Variants in PITPNA observed in about 807,000 individuals in gnomAD.
PITPNA encodes the protein phosphatidylinositol transfer protein alpha isoform.
In PITPNA, 13 loss-of-function variants were observed where a neutral mutation model predicts 50.3. The observed-to-expected ratio is 0.26, with a 90% CI of 0.17 to 0.41. PITPNA has a LOEUF of 0.41. Ranked by LOEUF, PITPNA falls within the 10% of genes least tolerant of loss-of-function variation. PITPNA has a pLI of 1.00. For synonymous variants in PITPNA, 120 were observed against 119.6 expected (o/e 1.00, Z -0.02); for missense variants, 207 against 333.4 (o/e 0.62, Z 2.95).
chr17:1,558,708 G>A (rs980465895), intron 1 of PITPNA, 149 bp from the exon 2 acceptor site: 22 of 605,974 alleles, frequency 3.6e-5, no homozygotes, highest in Admixed American at 1.2e-4. Context: ...GGCCCTTTGA[G>A]TGCTCTGAGG....
In PITPNA at chr17:1,558,513, A is replaced by G; in HGVS notation, c.51+16T>C. On this transcript the variant is annotated intron_variant, in intron 2 of 11. Coordinates refer to ENST00000313486, the MANE Select transcript of PITPNA (RefSeq NM_006224.4). ...CAGTTACACACAACTATGGACCAGA[A>G]AGTAAAAGGACTTACCTCATCTACA... is the stretch of plus-strand genomic sequence containing the variant. 2.5e-6 allele frequency: 4 copies of G among 1,573,918 alleles called. No homozygotes were observed. The highest frequency in any genetic ancestry group is 3.5e-6 in the Non-Finnish European group (4 of 1,144,470).
intron 3 of PITPNA, among the ~76,000 whole-genome samples, chr17:1,550,732 G>A (rs1166285780): frequency 6.6e-6 from 1 of 152,184 alleles, no homozygotes; most frequent in East Asian, 1.9e-4. Flanking sequence ...GTCTTGCTAT[G>A]TTGCCCAGGC....
At chr17:1,538,660 C>T (rs2075631568) in intron 7 of PITPNA, 1 of 495,580 alleles carries the variant, frequency 2.0e-6, no homozygotes, top group Admixed American at 3.8e-5. Context: ...AGAGGCCAAA[C>T]AGGGCACACA....
chr17:1,536,454 A>AT (rs200916480), intron 7 of PITPNA, among the ~76,000 whole-genome samples: 13,234 of 151,190 alleles, frequency 0.088, 725 homozygotes, highest in East Asian at 0.13. Flanking sequence ...TGCCCGGCTA[A>AT]TTTTTTTTGT....
chr17:1,539,965 G>A (rs1328342226), intron 6 of PITPNA, among the ~76,000 whole-genome samples: 1 of 152,226 alleles, frequency 6.6e-6, no homozygotes, highest in Non-Finnish European at 1.5e-5. Flanking sequence ...TCAAACTACT[G>A]ACTTCAAGTG....
rs1370383391 is a variant in PITPNA at position 1,545,919 on chromosome 17, T to C, written c.289+2377A>G. Among the ~76,000 whole-genome samples the C allele has an allele frequency of 1.4e-3, 46 of 32,868 alleles. No homozygotes were observed. In the East Asian group the frequency reaches 0.073, roughly 52 times the overall value. The allele number at this position is 32,868 out of a possible 152,430, so 21.6% of individuals were successfully genotyped here. On this transcript the variant is annotated intron_variant, in intron 4 of 11. Coordinates refer to ENST00000313486, the MANE Select transcript of PITPNA (RefSeq NM_006224.4). ...CACCCAGCCACACTGCATACTGCCTTTTTTTTTTTTTTTTTTTTTTTTTAA... is the reference window on the plus strand; with the variant it reads ...CACCCAGCCACACTGCATACTGCCTCTTTTTTTTTTTTTTTTTTTTTTTAA...
In PITPNA at chr17:1,532,291, G is replaced by A. The variant is rs986787591; in HGVS notation, c.768+1808C>T. On this transcript the variant is annotated intron_variant, in intron 10 of 11. Coordinates refer to ENST00000313486, the MANE Select transcript of PITPNA (RefSeq NM_006224.4). ...TTTAGTAGAGACAGGGTTTCACCAT[G>A]TTGGCCAAGTTGGTCTCAGACTCCT... Among the ~76,000 whole-genome samples the A allele has an allele frequency of 4.6e-5, 7 of 152,082 alleles. No homozygotes were observed. The South Asian group carries it at 6.2e-4, about 14-fold the overall frequency.
In PITPNA at chr17:1,544,262, CA is replaced by C. The variant is rs2075662123; in HGVS notation, c.290-1236del. 2.6e-5 allele frequency among the ~76,000 whole-genome samples: 4 copies of C among 152,292 alleles called. No homozygotes were observed. The South Asian group carries it at 8.3e-4, about 32-fold the overall frequency. Reference sequence around the variant, plus strand: ...ATTTGGTTTCTCATGTAGAAGAATCCACAAGAAAAGAATGCCCTGATCATCG... The same window carrying C: ...ATTTGGTTTCTCATGTAGAAGAATCCCAAGAAAAGAATGCCCTGATCATCG... On this transcript the variant is annotated intron_variant, in intron 4 of 11. Transcript: ENST00000313486.
intron 3 of PITPNA, among the ~76,000 whole-genome samples, chr17:1,549,067 C>T (rs1471569552): frequency 6.6e-6 from 1 of 152,000 alleles, no homozygotes; most frequent in African/African-American, 2.4e-5. Flanking sequence ...GCCACCACGC[C>T]CAGCTAATTT....
At chr17:1,551,093 C>T (rs936293484) in intron 3 of PITPNA, among the ~76,000 whole-genome samples, 1 of 144,108 alleles carries the variant, frequency 6.9e-6, no homozygotes, top group South Asian at 2.2e-4. Flanking sequence ...TGATGGGACA[C>T]GAAGGGCGAG....
chr17:1,523,971 T>G (rs990833233), intron 10 of PITPNA, among the ~76,000 whole-genome samples: 5 of 151,650 alleles, frequency 3.3e-5, no homozygotes, highest in African/African-American at 1.2e-4. Flanking sequence ...GATTGTATTC[T>G]GACTCCATCA....
intron 11 of PITPNA, 132 bp downstream of exon 11, chr17:1,521,447 C>G (rs1221934188): frequency 4.4e-6 from 3 of 682,854 alleles, no homozygotes; most frequent in Middle Eastern, 2.4e-4. Context: ...GGAGAGCTAT[C>G]GAGCGTGGCA....
chr17:1,558,636 A>T, intron 1 of PITPNA, 77 bp from the exon 2 acceptor site: 1 of 1,011,738 alleles, frequency 9.9e-7, no homozygotes, highest in Non-Finnish European at 1.5e-6. Flanking sequence ...TCATCCTAAA[A>T]CAGTCAGCAG....
At position 1,535,132 on chromosome 17, in the gene PITPNA, C is replaced by G. The variant is rs760366973; in HGVS notation, c.645+50G>C. On this transcript the variant is annotated intron_variant, in intron 9 of 11. Coordinates refer to ENST00000313486, the MANE Select transcript of PITPNA (RefSeq NM_006224.4). ...ATGGATGAAGTTCTCCACCACCCCCCCACAACACACACACGCAGTCACTGG... is the reference window on the plus strand; with the variant it reads ...ATGGATGAAGTTCTCCACCACCCCCGCACAACACACACACGCAGTCACTGG... 12 of 1,170,188 alleles carry G rather than the reference C, an allele frequency of 1.0e-5. No individual in the cohort carries two copies. The Admixed American group carries it at 1.7e-4, about 17-fold the overall frequency. The allele number at this position is 1,170,188 out of a possible 1,614,324, so 72.5% of individuals were successfully genotyped here. A position where few individuals can be genotyped will look rare whatever the true frequency, so the allele number is the denominator to read the frequency against.
In PITPNA at chr17:1,520,300, C is replaced by T. The variant is rs760630378; in HGVS notation, c.*261G>A. 5 of 152,184 alleles carry T rather than the reference C, an allele frequency of 3.3e-5. No homozygotes were observed. Among genetic ancestry groups the T allele is most frequent in the Non-Finnish European group, 5.9e-5 (4 of 67,978 alleles). The allele number at this position is 152,184 out of a possible 1,614,324, so 9.4% of individuals were successfully genotyped here. A position where few individuals can be genotyped will look rare whatever the true frequency, so the allele number is the denominator to read the frequency against. ...GGAACACAATGGAGAGAGACGGAGG[C>T]GCTGTAACTACAGCAACCTACACGC... On this transcript the variant is annotated 3_prime_UTR_variant, in exon 12 of 12. Coordinates refer to ENST00000313486, the MANE Select transcript of PITPNA (RefSeq NM_006224.4).
chr17:1,527,147 T>C (rs891703467), intron 10 of PITPNA, among the ~76,000 whole-genome samples: 8 of 152,236 alleles, frequency 5.3e-5, no homozygotes, highest in African/African-American at 1.9e-4. Flanking sequence ...ATGTTTGTGG[T>C]GTTCCTCAGA....
At chr17:1,556,624 C>CA (rs2075736219) in intron 2 of PITPNA, among the ~76,000 whole-genome samples, 1 of 152,168 alleles carries the variant, frequency 6.6e-6, no homozygotes, top group Non-Finnish European at 1.5e-5. Context: ...CACCCCTAAT[C>CA]ACCACACTAA....
rs2075499441 is a variant in PITPNA at position 1,519,963 on chromosome 17, G to C, written c.*598C>G. 1 of 152,190 alleles carries C rather than the reference G, an allele frequency of 6.6e-6. No individual in the cohort carries two copies. The highest frequency in any genetic ancestry group is 2.4e-5 in the African/African-American group (1 of 41,426). 9.4% of individuals were successfully genotyped at this position (152,190 alleles called of 1,614,324 possible). A position where few individuals can be genotyped will look rare whatever the true frequency, so the allele number is the denominator to read the frequency against. ...TAAATAGAGACTGGCTGAGCCTTGG[G>C]TACCTCCATAGTGCTAGAGTGCCCT... On this transcript the variant is annotated 3_prime_UTR_variant, in exon 12 of 12. Transcript: ENST00000313486.
intron 3 of PITPNA, among the ~76,000 whole-genome samples, chr17:1,549,521 T>A (rs2075697134): frequency 6.9e-6 from 1 of 145,534 alleles, no homozygotes; most frequent in Non-Finnish European, 1.5e-5. Context: ...TTTCGCCATG[T>A]TAGACAGGAT....
Sources: allele counts gnomAD v4.1 joint callset (sites outside exome capture counted in the v4.1 genomes callset), GRCh38; gene constraint gnomAD v4.1.1; transcripts MANE v1.5; gene names NCBI Gene and HGNC (gene_info 2026-07-23, HGNC 2026-07-21).